The following CRPPA variants were observed in gnomAD, a reference collection of about 807,000 sequenced individuals.
CRPPA encodes the protein D-ribitol-5-phosphate cytidylyltransferase.
A neutral mutation model predicts 52.0 loss-of-function variants in CRPPA; 43 were observed. That is an observed-to-expected ratio of 0.83 (90% CI 0.65 to 1.07). CRPPA has a LOEUF of 1.07. CRPPA is among the 50% of genes least tolerant of loss of function. CRPPA has a pLI of 0.00. For synonymous variants in CRPPA, 250 were observed against 203.5 expected (o/e 1.23, Z -1.94); for missense variants, 629 against 551.7 (o/e 1.14, Z -1.40).
At chr7:16,175,655 C>G (rs956297139) in intron 9 of CRPPA, among the ~76,000 whole-genome samples, 1 of 152,062 alleles carries the variant, frequency 6.6e-6, no homozygotes, top group African/African-American at 2.4e-5. Context: ...TTATATTATT[C>G]TTTTAAGTAT....
chr7:16,261,967 C>A (rs946352841), intron 6 of CRPPA: 1 of 151,926 alleles, frequency 6.6e-6, no homozygotes, highest in Non-Finnish European at 1.5e-5. Flanking sequence ...GTAGATAATC[C>A]TCCATTATAT....
chr7:16,168,912 C>A (rs1781121595), intron 9 of CRPPA, among the ~76,000 whole-genome samples: 2 of 152,072 alleles, frequency 1.3e-5, no homozygotes, highest in South Asian at 4.1e-4. Flanking sequence ...GCTGAGTGTA[C>A]CTGAAAAACC....
At chr7:16,228,148 A>G (rs916589663) in intron 8 of CRPPA, among the ~76,000 whole-genome samples, 6 of 151,964 alleles carry the variant, frequency 3.9e-5, no homozygotes, top group Admixed American at 3.3e-4. Flanking sequence ...TTTGTAGTAT[A>G]TTTTGAAGTC....
chr7:16,281,214 CCT>C (rs780517344), intron 5 of CRPPA, among the ~76,000 whole-genome samples: 116 of 152,224 alleles, frequency 7.6e-4, no homozygotes, highest in African/African-American at 2.3e-3. Flanking sequence ...TGATTTGTCC[CCT>C]GTGTCCTGAA....
intron 9 of CRPPA, among the ~76,000 whole-genome samples, chr7:16,150,549 A>C (rs1158298362): frequency 1.3e-5 from 2 of 152,234 alleles, no homozygotes; most frequent in Non-Finnish European, 2.9e-5. Flanking sequence ...GATATGAAAC[A>C]GGAAATCCAT....
intron 3 of CRPPA, among the ~76,000 whole-genome samples, chr7:16,331,874 A>T (rs1403646654): frequency 2.0e-5 from 3 of 152,202 alleles, no homozygotes; most frequent in African/African-American, 7.2e-5. Context: ...ACATACAAGT[A>T]TAATGGGAAT....
chr7:16,169,265 G>C (rs1781129389), intron 9 of CRPPA, among the ~76,000 whole-genome samples: 1 of 152,046 alleles, frequency 6.6e-6, no homozygotes, highest in Non-Finnish European at 1.5e-5. Flanking sequence ...AGTTTAAAAA[G>C]TACATGTACT....
chr7:16,164,664 G>C, intron 9 of CRPPA, among the ~76,000 whole-genome samples: 1 of 152,132 alleles, frequency 6.6e-6, no homozygotes, highest in East Asian at 1.9e-4. Flanking sequence ...TTTGGTTTTT[G>C]ATGTTGGTGA....
chr7:16,214,912 T>A (rs987352306), intron 9 of CRPPA, among the ~76,000 whole-genome samples: 9 of 152,206 alleles, frequency 5.9e-5, no homozygotes, highest in African/African-American at 1.9e-4. Flanking sequence ...TGTCCTGACT[T>A]CAGTAGCCTC....
At chr7:16,392,316 A>G (rs1197808774) in intron 2 of CRPPA, among the ~76,000 whole-genome samples, 1 of 152,172 alleles carries the variant, frequency 6.6e-6, no homozygotes. Flanking sequence ...TCAGCCTTAC[A>G]AAATGGCAGA....
chr7:16,248,149 A>C (rs1248081816), intron 8 of CRPPA: 1 of 152,182 alleles, frequency 6.6e-6, no homozygotes. Context: ...AGCCTGAGCA[A>C]CAAAGTGAGA....
chr7:16,403,177 GA>G (rs1361939425), intron 2 of CRPPA, among the ~76,000 whole-genome samples: 1 of 152,114 alleles, frequency 6.6e-6, no homozygotes, highest in African/African-American at 2.4e-5. Context: ...TTTATACCCA[GA>G]AAAACTATCA....
chr7:16,112,778 G>T (rs368682121), intron 9 of CRPPA, among the ~76,000 whole-genome samples: 6 of 152,134 alleles, frequency 3.9e-5, no homozygotes, highest in African/African-American at 1.4e-4. Context: ...TAGGAGCAGG[G>T]AGAAGAATGG....
chr7:16,170,524 CAA>C (rs1672323865), intron 9 of CRPPA, among the ~76,000 whole-genome samples: 2 of 152,210 alleles, frequency 1.3e-5, no homozygotes, highest in South Asian at 4.1e-4. Context: ...AGTGCTGACC[CAA>C]AGAGTGAGCA....
chr7:16,271,583 G>A (rs1034505645), intron 6 of CRPPA, among the ~76,000 whole-genome samples: 3 of 152,112 alleles, frequency 2.0e-5, no homozygotes, highest in Admixed American at 6.5e-5. Flanking sequence ...GTGCCCCAAT[G>A]AAGCTCTTTA....
At chr7:16,380,026 G>A (rs986502463) in intron 2 of CRPPA, among the ~76,000 whole-genome samples, 6 of 151,204 alleles carry the variant, frequency 4.0e-5, no homozygotes, top group East Asian at 3.9e-4. Context: ...CCAACACTAC[G>A]TTGAATAGGA....
chr7:16,365,932 A>C (rs1786577553), intron 3 of CRPPA, among the ~76,000 whole-genome samples: 1 of 152,232 alleles, frequency 6.6e-6, no homozygotes, highest in Non-Finnish European at 1.5e-5. Context: ...GTGGACAAAA[A>C]ACATTAAAGC....
intron 3 of CRPPA, among the ~76,000 whole-genome samples, chr7:16,335,949 G>C (rs939580051): frequency 2.6e-5 from 4 of 152,198 alleles, no homozygotes; most frequent in African/African-American, 9.6e-5. Context: ...GGCCAGGATA[G>C]AGTAGGATAA....
intron 9 of CRPPA, among the ~76,000 whole-genome samples, chr7:16,153,674 A>C (rs1783120263): frequency 6.6e-6 from 1 of 152,174 alleles, no homozygotes; most frequent in Admixed American, 6.5e-5. Flanking sequence ...CAGGTATTAC[A>C]TAAAATGTTT....
Sources: allele counts gnomAD v4.1 joint callset (sites outside exome capture counted in the v4.1 genomes callset), GRCh38; gene constraint gnomAD v4.1.1; transcripts MANE v1.5; gene names NCBI Gene and HGNC (gene_info 2026-07-23, HGNC 2026-07-21).